Variants in NUTM2F observed in about 807,000 individuals in gnomAD.
The protein encoded by NUTM2F is NUT family member 2F.
Under a neutral mutation model 43.3 loss-of-function variants are expected in NUTM2F, and 22 were observed. The observed-to-expected ratio is 0.51, with a 90% confidence interval of 0.36 to 0.73. NUTM2F has a LOEUF of 0.73. NUTM2F is among the 30% of genes least tolerant of loss of function. The probability of loss-of-function intolerance (pLI) is 0.00; values close to 1 mark genes in which losing one functional copy is unlikely to be tolerated. For missense variants in NUTM2F, 488 were observed against 927.4 expected (o/e 0.53, Z 6.15); for synonymous variants, 202 against 389.0 (o/e 0.52, Z 5.66).
chr9:94,321,178 C>T lies in NUTM2F; in HGVS notation c.897G>A (p.Met299Ile). 2.6e-6 allele frequency: 4 copies of T among 1,560,210 alleles called. No individual in the cohort carries two copies. Among genetic ancestry groups the T allele is most frequent in the Non-Finnish European group, 3.4e-6 (4 of 1,160,802 alleles). The change falls in exon 4 of 7, where the codon ATG (methionine) becomes ATA (isoleucine). Residue 299 changes from methionine (M) to isoleucine (I), a missense_variant. Met to Ile is a conservative substitution (Grantham distance 10). Transcript: ENST00000253262. ...EEMQIQKSQW[M>I]KGPQSLPPPA... ...GAGGAGGCAGGCTCTGGGGCCCCTT[C>T]ATCCACTGCGATTTCTGAATCTGCA...
At chr9:94,324,942 G>A (rs1259553730) in intron 2 of NUTM2F, among the ~76,000 whole-genome samples, 1 of 143,678 alleles carries the variant, frequency 7.0e-6, no homozygotes, top group Non-Finnish European at 1.5e-5. Context: ...AGCTGAGATC[G>A]CGCCATTGCA....
At chr9:94,322,588 G>A (rs1399445525) in intron 2 of NUTM2F, among the ~76,000 whole-genome samples, 1 of 152,220 alleles carries the variant, frequency 6.6e-6, no homozygotes, top group Non-Finnish European at 1.5e-5. Context: ...GCTATGGGTG[G>A]AACATGTGTG....
intron 1 of NUTM2F, among the ~76,000 whole-genome samples, chr9:94,327,199 G>A (rs1353215982): frequency 1.2e-4 from 18 of 150,212 alleles, no homozygotes; most frequent in African/African-American, 4.4e-4. Context: ...TGCCTCCCAG[G>A]TTCAAGCACT....
chr9:94,320,212 G>A lies in NUTM2F; in HGVS notation c.1364C>T (p.Thr455Ile), dbSNP rs1831338905. 1.2e-6 allele frequency: 2 copies of A among 1,613,298 alleles called. No individual in the cohort carries two copies. Among genetic ancestry groups the A allele is most frequent in the Non-Finnish European group, 8.5e-7 (1 of 1,179,794 alleles). Residue 455 changes from threonine to isoleucine, a missense_variant, in exon 5 of 7, where the codon ACC (threonine) becomes ATC (isoleucine). Coordinates refer to ENST00000253262, the MANE Select transcript of NUTM2F (RefSeq NM_017561.2). This position sits in a 1 kb window ranked among gnomAD's most constrained non-coding sequence, Gnocchi z 4.5. ...CAGCACTCCAGGCAAGCCCACCTTGGTGACAAAGTCTTCCTGGGAACACAG... is the reference window on the plus strand; with the variant it reads ...CAGCACTCCAGGCAAGCCCACCTTGATGACAAAGTCTTCCTGGGAACACAG... ...DKLCSQEDFV[T>I]KVEAVIHPRF...
chr9:94,322,459 G>A, intron 2 of NUTM2F, 130 bp from the exon 3 acceptor site: 1 of 1,435,012 alleles, frequency 7.0e-7, no homozygotes, highest in Non-Finnish European at 9.6e-7. Context: ...TCTCCCCCAT[G>A]TGGGCTCCTC....
intron 5 of NUTM2F, 139 bp from the exon 6 acceptor site, chr9:94,319,868 G>A (rs1831332993): frequency 2.1e-6 from 2 of 950,104 alleles, no homozygotes; most frequent in South Asian, 3.8e-5. Context: ...GCGACCACCA[G>A]CTACACGCAC....
Position 94,325,704 on chromosome 9 carries a change from C to T in NUTM2F, c.247G>A (p.Val83Ile). The T allele has an allele frequency of 1.2e-6, 2 of 1,611,582 alleles. No homozygotes were observed. Among genetic ancestry groups the T allele is most frequent in the Non-Finnish European group, 1.7e-6 (2 of 1,179,832 alleles). The change falls in exon 2 of 7, where the codon GTC becomes ATC. Residue 83 changes from valine to isoleucine, a missense_variant. Coordinates refer to ENST00000253262, the MANE Select transcript of NUTM2F (RefSeq NM_017561.2). ...GGCCCCACTTCTGTCCTCATCTGGACAAAGACGTTGGAAGCCCCGGCCCCA... is the reference window on the plus strand; with the variant it reads ...GGCCCCACTTCTGTCCTCATCTGGATAAAGACGTTGGAAGCCCCGGCCCCA... ...PSGAGASNVF[V>I]QMRTEVGPVK...
At chr9:94,328,512 A>G (rs1831477519) in intron 1 of NUTM2F, 96 bp downstream of exon 1, 1 of 1,580,110 alleles carries the variant, frequency 6.3e-7, no homozygotes, top group African/African-American at 1.3e-5. Context: ...CCTCAACATC[A>G]GCCCTATAAG....
In NUTM2F at chr9:94,320,379, C is replaced by T. The variant is rs1831343358; in HGVS notation, c.1197G>A (p.Val399=). Residue 399 remains valine (V), a synonymous_variant, in exon 5 of 7, where the codon GTG becomes GTA. Coordinates refer to ENST00000253262, the MANE Select transcript of NUTM2F (RefSeq NM_017561.2). The surrounding 1 kb of genome is among the most constrained non-coding windows in gnomAD (Gnocchi z 4.5). ...ACCCCAGCAGCTCCTCCATGATGTCCACATACTCCTGCACCACTTCAGGGG... is the reference window on the plus strand; with the variant it reads ...ACCCCAGCAGCTCCTCCATGATGTCTACATACTCCTGCACCACTTCAGGGG... ...EIPPEVVQEY[V]DIMEELLGSH... The T allele has an allele frequency of 1.2e-6, 2 of 1,613,378 alleles. No homozygotes were observed. The highest frequency in any genetic ancestry group is 1.7e-6 in the Non-Finnish European group (2 of 1,179,870).
Position 94,320,502 on chromosome 9 carries a change from C to T in NUTM2F, c.1074G>A (p.Leu358=), listed in dbSNP as rs779227678. 9 of 1,611,396 alleles carry T rather than the reference C, an allele frequency of 5.6e-6. No individual in the cohort carries two copies. The East Asian group carries it at 1.8e-4, about 32-fold the overall frequency. ...PQRPAETKAH[L]PPPRPQRPAE... ...CTGGCCTCTGGGGCCTGGGTGGTGG[C>T]AGGTGGGCCTTGGTCTCCGCTGGCC... Residue 358 remains leucine, a synonymous_variant, in exon 5 of 7, where the codon CTG becomes CTA. Transcript: ENST00000253262. The surrounding 1 kb of genome is among the most constrained non-coding windows in gnomAD (Gnocchi z 4.5).
rs761788818 is a variant in NUTM2F at position 94,320,402 on chromosome 9, G to T, written c.1174C>A (p.Pro392Thr). 2 of 1,612,986 alleles carry T rather than the reference G, an allele frequency of 1.2e-6. No individual in the cohort carries two copies. Among genetic ancestry groups the T allele is most frequent in the African/African-American group, 1.3e-5 (1 of 74,992 alleles). The change falls in exon 5 of 7, where the codon CCT (proline) becomes ACT (threonine). Residue 392 changes from proline to threonine, a missense_variant. Physicochemically the swap from Pro to Thr is conservative, Grantham distance 38. Coordinates refer to ENST00000253262, the MANE Select transcript of NUTM2F (RefSeq NM_017561.2). The surrounding 1 kb of genome is among the most constrained non-coding windows in gnomAD (Gnocchi z 4.5). ...TCCACATACTCCTGCACCACTTCAG[G>T]GGGGATCTCCTCAGGGACCTTGGTC... ...AETKVPEEIP[P>T]EVVQEYVDIM... is the part of the protein sequence containing the mutation.
intron 1 of NUTM2F, among the ~76,000 whole-genome samples, chr9:94,326,641 G>C (rs1204136727): frequency 6.6e-6 from 1 of 151,130 alleles, no homozygotes; most frequent in Non-Finnish European, 1.5e-5. Flanking sequence ...CTACTCAGGA[G>C]GCTGAGACAG....
intron 3 of NUTM2F, 30 bp downstream of exon 3, chr9:94,322,171 C>T (rs780885920): frequency 2.7e-5 from 43 of 1,611,692 alleles, no homozygotes; most frequent in Admixed American, 1.8e-4. Flanking sequence ...CCCCGCCACA[C>T]GGGCCCTGCC....
chr9:94,323,967 A>G (rs1312417994), intron 2 of NUTM2F, among the ~76,000 whole-genome samples: 4 of 152,146 alleles, frequency 2.6e-5, no homozygotes. Flanking sequence ...ACTGGGGTGT[A>G]CACTCAAAGA....
rs768304476 is a variant in NUTM2F at position 94,321,230 on chromosome 9, A to T, written c.845T>A (p.Phe282Tyr). The change falls in exon 4 of 7, where the codon TTC becomes TAC. Residue 282 changes from phenylalanine (F) to tyrosine (Y), a missense_variant and splice_region_variant. Phe to Tyr is a conservative substitution (Grantham distance 22). Transcript: ENST00000253262. The stretch of plus-strand genomic sequence containing the variant: ...CTCCTCCTCAGCCTCAAATTCCAGG[A>T]ACCTGTGGGTGAAGGAGGCCCAGGC... ...RMIFYEMAEK[F>Y]LEFEAEEEMQ... The T allele has an allele frequency of 6.3e-7, 1 of 1,579,954 alleles. No individual in the cohort carries two copies. The highest frequency in any genetic ancestry group is 1.1e-5 in the South Asian group (1 of 87,798).
Position 94,325,760 on chromosome 9 carries a change from A to G in NUTM2F, c.191T>C (p.Leu64Pro), listed in dbSNP as rs1248172319. 1 of 1,612,018 alleles carries G rather than the reference A, an allele frequency of 6.2e-7. No individual in the cohort carries two copies. The highest frequency in any genetic ancestry group is 1.1e-5 in the South Asian group (1 of 90,986). ...GCCGCGGCCATCCTGTCCTGCCACT[A>G]GAGGGGTGCTGGGGAAGGCAGAGAG... ...LVLSAFPSTP[L>P]VAGQDGRGPS... The change falls in exon 2 of 7, where the codon CTA becomes CCA. Residue 64 changes from leucine to proline, a missense_variant. By Grantham distance (98) the Leu-to-Pro change is moderately conservative. Transcript: ENST00000253262.
In NUTM2F at chr9:94,325,637, G is replaced by A. The variant is rs765566073; in HGVS notation, c.314C>T (p.Ala105Val). ...GCCTGGAGCCTGCCAGACGAGGGGG[G>A]CCTGAGTTAGGATCAAGGTCTGTGC... ...PQAQTLILTQ[A>V]PLVWQAPGTL... Residue 105 changes from alanine (A) to valine (V), a missense_variant, in exon 2 of 7, where the codon GCC becomes GTC. Coordinates refer to ENST00000253262, the MANE Select transcript of NUTM2F (RefSeq NM_017561.2). The A allele has an allele frequency of 1.9e-6, 3 of 1,606,766 alleles. No individual in the cohort carries two copies. Among genetic ancestry groups the A allele is most frequent in the South Asian group, 2.2e-5 (2 of 90,626 alleles).
At chr9:94,321,036 C>T (rs1831357051) in intron 4 of NUTM2F, 57 bp downstream of exon 4, 1 of 1,519,910 alleles carries the variant, frequency 6.6e-7, no homozygotes, top group Admixed American at 2.0e-5. Flanking sequence ...GGACAGTGGC[C>T]TCCCTTGGCC....
chr9:94,321,842 C>A (rs532493599), intron 3 of NUTM2F, among the ~76,000 whole-genome samples: 35 of 151,474 alleles, frequency 2.3e-4, no homozygotes, highest in African/African-American at 7.5e-4. Flanking sequence ...CTGGCCACTG[C>A]TGTGAGGAGC....
Sources: allele counts gnomAD v4.1 joint callset (sites outside exome capture counted in the v4.1 genomes callset), GRCh38; gene constraint gnomAD v4.1.1; non-coding constraint Gnocchi (gnomAD v3.1); transcripts MANE v1.5; gene names NCBI Gene and HGNC (gene_info 2026-07-23, HGNC 2026-07-21).